The following CELF2 variants were observed in gnomAD, a reference collection of about 807,000 sequenced individuals.
CELF2 encodes CUG triplet repeat RNA-binding protein 2.
In CELF2, 8 loss-of-function variants were observed where a neutral mutation model predicts 62.6. That is an observed-to-expected ratio of 0.13 (90% confidence interval 0.07 to 0.23). The LOEUF (loss-of-function observed/expected upper bound fraction) is 0.23, where lower values mean the gene tolerates loss of function less well. CELF2 is among the 10% of genes least tolerant of loss of function. The pLI, the probability that CELF2 is intolerant of heterozygous loss-of-function variation, is 1.00. For missense variants in CELF2, 333 were observed against 671.0 expected (o/e 0.50, Z 5.56); for synonymous variants, 258 against 250.0 (o/e 1.03, Z -0.30).
chr10:10,529,556 C>T, the CELF2 span, among the ~76,000 whole-genome samples: 3 of 151,746 alleles, frequency 2.0e-5, no homozygotes, highest in Non-Finnish European at 2.9e-5. Context: ...TGGTGGTGCG[C>T]GTCTGTAATC....
At chr10:10,669,577 C>T in the CELF2 span, among the ~76,000 whole-genome samples, 3 of 152,142 alleles carry the variant, frequency 2.0e-5, no homozygotes, top group Non-Finnish European at 4.4e-5. Flanking sequence ...TGTAATTTGC[C>T]ATGACTCCCT....
At chr10:10,515,182 G>A in the CELF2 span, among the ~76,000 whole-genome samples, 1 of 152,178 alleles carries the variant, frequency 6.6e-6, no homozygotes, top group East Asian at 1.9e-4. Context: ...GGGAACACCG[G>A]ACTCTACAAT....
At chr10:10,474,867 A>C in the CELF2 span, among the ~76,000 whole-genome samples, 4 of 152,238 alleles carry the variant, frequency 2.6e-5, no homozygotes, top group African/African-American at 9.6e-5. Context: ...GGTCAGGACT[A>C]AGACATTAGT....
rs901833587 is a variant in CELF2, at chr10:11,270,895, C to G, written c.777+71C>G. On this transcript the variant is annotated intron_variant, in intron 7 of 12. Coordinates refer to ENST00000633077, the MANE Select transcript of CELF2 (RefSeq NM_001326342.2). The surrounding 1 kb of genome is among the most constrained non-coding windows in gnomAD (Gnocchi z 5.8). The stretch of plus-strand genomic sequence containing the variant: ...TGCAAACTGACTTTTCCCCTCCCTA[C>G]GCTGAGGCATTTGTTTTCAGTACAT... 1 of 1,256,342 alleles carries G rather than the reference C, an allele frequency of 8.0e-7. No homozygotes were observed. The highest frequency in any genetic ancestry group is 1.5e-5 in the African/African-American group (1 of 65,200). The allele number at this position is 1,256,342 out of a possible 1,614,324, so 77.8% of individuals were successfully genotyped here.
At chr10:10,685,064 A>G in the CELF2 span, among the ~76,000 whole-genome samples, 1 of 152,146 alleles carries the variant, frequency 6.6e-6, no homozygotes, top group African/African-American at 2.4e-5. Context: ...GAAGGGCTTC[A>G]AAGGGTTGTC....
the CELF2 span, among the ~76,000 whole-genome samples, chr10:10,575,359 G>C: frequency 0.032 from 4,814 of 152,278 alleles, 155 homozygotes; most frequent in East Asian, 0.1. Context: ...ATCAACCAAA[G>C]TTGTCCTTTG....
At chr10:10,726,761 T>C in the CELF2 span, among the ~76,000 whole-genome samples, 3 of 152,260 alleles carry the variant, frequency 2.0e-5, no homozygotes, top group African/African-American at 4.8e-5. Flanking sequence ...TTAAGAATGA[T>C]GCTATATGTA....
chr10:11,251,842 C>T (rs143461693), intron 4 of CELF2, among the ~76,000 whole-genome samples: 2 of 152,332 alleles, frequency 1.3e-5, no homozygotes, highest in East Asian at 3.9e-4. Flanking sequence ...TAAGTTAACA[C>T]TGTTATTCCA....
chr10:11,014,936 A>G (rs2057028713), upstream of CELF2, among the ~76,000 whole-genome samples: 1 of 152,200 alleles, frequency 6.6e-6, no homozygotes, highest in African/African-American at 2.4e-5. Flanking sequence ...AGGAAACTTC[A>G]TTGTTCAGGA....
intron 9 of CELF2, among the ~76,000 whole-genome samples, chr10:11,313,577 A>G (rs1300782276): frequency 2.0e-5 from 3 of 152,238 alleles, no homozygotes; most frequent in East Asian, 3.8e-4. Context: ...GAATCTTCCC[A>G]TGAAGAAATA....
At chr10:10,597,500 C>G in the CELF2 span, among the ~76,000 whole-genome samples, 48 of 152,042 alleles carry the variant, frequency 3.2e-4, no homozygotes, top group Admixed American at 5.9e-4. Context: ...CAAGTCATTT[C>G]TAGGCAAGCA....
chr10:10,889,677 T>G (rs2061998517), intron 1 of CELF2, among the ~76,000 whole-genome samples: 1 of 152,216 alleles, frequency 6.6e-6, no homozygotes, highest in African/African-American at 2.4e-5. Flanking sequence ...GCATGGGCAC[T>G]GGTATTAAGA....
the CELF2 span, among the ~76,000 whole-genome samples, chr10:10,492,793 G>A: frequency 1.3e-5 from 2 of 152,182 alleles, no homozygotes; most frequent in African/African-American, 4.8e-5. Flanking sequence ...CCCACATGTT[G>A]TGGGAAGGAC....
intron 1 of CELF2, among the ~76,000 whole-genome samples, chr10:11,042,858 G>A (rs575121955): frequency 1.3e-5 from 2 of 152,264 alleles, no homozygotes; most frequent in South Asian, 2.1e-4. Flanking sequence ...CCATGTTACA[G>A]TGTATCTCAG....
chr10:10,947,208 CACTT>C lies in CELF2; in HGVS notation c.89+27213_89+27216del, dbSNP rs954430219. 1.3e-4 allele frequency: 20 copies of C among 152,420 alleles called. No individual in the cohort carries two copies. Among genetic ancestry groups the C allele is most frequent in the African/African-American group, 4.8e-4 (20 of 41,598 alleles). The allele number at this position is 152,420 out of a possible 1,614,324, so 9.4% of individuals were successfully genotyped here. A position where few individuals can be genotyped will look rare whatever the true frequency, so the allele number is the denominator to read the frequency against. On this transcript the variant is annotated intron_variant, in intron 2 of 13. Transcript: ENST00000636488. The surrounding 1 kb of genome is among the most constrained non-coding windows in gnomAD (Gnocchi z 4.1). ...CTTTCAAACACAAAAGCTCAGCACA[CACTT>C]ACTCTAACCAGTCCTTCACCTGCTG...
At chr10:10,516,041 T>C in the CELF2 span, among the ~76,000 whole-genome samples, 33 of 152,286 alleles carry the variant, frequency 2.2e-4, no homozygotes, top group Middle Eastern at 6.8e-3. Context: ...GGAAAGCAGA[T>C]ACTGGACTGA....
chr10:10,676,247 T>A, the CELF2 span, among the ~76,000 whole-genome samples: 2 of 152,190 alleles, frequency 1.3e-5, no homozygotes, highest in Non-Finnish European at 2.9e-5. Flanking sequence ...GTTGAGTTTT[T>A]TCCTTCTCCC....
In CELF2 at chr10:10,957,907, G is replaced by A. The variant is rs1333893521; in HGVS notation, c.89+37908G>A. On this transcript the variant is annotated intron_variant, in intron 2 of 13. Transcript: ENST00000636488. The surrounding 1 kb of genome is among the most constrained non-coding windows in gnomAD (Gnocchi z 4.1). ...CACTTGAATCACTTCAGATTGTTTC[G>A]AAGAAAATCATTTTATGTCACCATT... 3.3e-5 allele frequency among the ~76,000 whole-genome samples: 5 copies of A among 152,222 alleles called. No homozygotes were observed. The highest frequency in any genetic ancestry group is 4.2e-4 in the South Asian group (2 of 4,816).
intron 1 of CELF2, among the ~76,000 whole-genome samples, chr10:10,906,749 T>A (rs2063379045): frequency 7.6e-6 from 1 of 130,954 alleles, no homozygotes; most frequent in Non-Finnish European, 1.6e-5. Flanking sequence ...AAACGGAGTC[T>A]CACTCTGTCG....
Sources: allele counts gnomAD v4.1 joint callset (sites outside exome capture counted in the v4.1 genomes callset), GRCh38; gene constraint gnomAD v4.1.1; non-coding constraint Gnocchi (gnomAD v3.1); transcripts MANE v1.5; gene names NCBI Gene and HGNC (gene_info 2026-07-23, HGNC 2026-07-21).